The following ADCY5 variants were observed in gnomAD, a reference collection of about 807,000 sequenced individuals.
ADCY5 encodes adenylate cyclase 5, also known as adenylate cyclase type 5.
ADCY5 carries 30 observed loss-of-function variants against 119.7 expected under a neutral mutation model. The ratio of observed to expected loss-of-function variants is 0.25; its 90% CI spans 0.19 to 0.34. The LOEUF (loss-of-function observed/expected upper bound fraction) is 0.34. Ranked by LOEUF, ADCY5 falls within the 10% of genes least tolerant of loss-of-function variation. The probability of loss-of-function intolerance (pLI) is 1.00; values close to 1 mark genes in which losing one functional copy is unlikely to be tolerated. For synonymous variants in ADCY5, 753 were observed against 762.2 expected (o/e 0.99, Z 0.20); for missense variants, 1,324 against 1,775.2 (o/e 0.75, Z 4.57).
Position 123,286,930 on chromosome 3 carries a change from G to T in ADCY5, c.3533-121C>A. ...ACCTGAGACACCCGTGGGCTTCCAG[G>T]CCCAAGGCTGTGCTAAACCCTGCAG... On this transcript the variant is annotated intron_variant, in intron 19 of 20. Coordinates refer to ENST00000462833, the MANE Select transcript of ADCY5 (RefSeq NM_183357.3). The surrounding 1 kb of genome is among the most constrained non-coding windows in gnomAD (Gnocchi z 4.2). 1 of 1,383,256 alleles carries T rather than the reference G, an allele frequency of 7.2e-7. No individual in the cohort carries two copies. Among genetic ancestry groups the T allele is most frequent in the Non-Finnish European group, 9.6e-7 (1 of 1,046,602 alleles). 85.7% of individuals were successfully genotyped at this position (1,383,256 alleles called of 1,614,324 possible).
intron 19 of ADCY5, among the ~76,000 whole-genome samples, chr3:123,288,387 T>G (rs1246716211): frequency 2.0e-5 from 3 of 152,146 alleles, no homozygotes; most frequent in African/African-American, 7.2e-5. Context: ...ACCCAGGGAG[T>G]TGATAATGCA....
Position 123,290,198 on chromosome 3 carries a change from G to A in ADCY5, c.3328-244C>T, listed in dbSNP as rs9878646. The stretch of plus-strand genomic sequence containing the variant: ...GGGCTACCTGCCCACCCTCACGCCA[G>A]GAGCCCTGAAGACAAGGTCACTAGT... On this transcript the variant is annotated intron_variant, in intron 18 of 20. Transcript: ENST00000462833. 0.98 allele frequency among the ~76,000 whole-genome samples: 149,777 copies of A among 152,232 alleles called. 73,728 individuals are homozygous for A. Among genetic ancestry groups the A allele is most frequent in the East Asian group, 1 (5,148 of 5,148 alleles).
intron 1 of ADCY5, among the ~76,000 whole-genome samples, chr3:123,371,151 G>C (rs537147374): frequency 6.6e-6 from 1 of 151,924 alleles, no homozygotes; most frequent in Non-Finnish European, 1.5e-5. Flanking sequence ...TCAAGAAGAC[G>C]AAGCATGCTG....
At chr3:123,319,211 G>A (rs1228162988) in intron 10 of ADCY5, among the ~76,000 whole-genome samples, 4 of 151,906 alleles carry the variant, frequency 2.6e-5, no homozygotes, top group Non-Finnish European at 5.9e-5. Context: ...AAAATTAGCT[G>A]GGAGTGGTGG....
intron 1 of ADCY5, among the ~76,000 whole-genome samples, chr3:123,381,642 G>C (rs1214114371): frequency 1.3e-5 from 2 of 152,146 alleles, no homozygotes; most frequent in African/African-American, 4.8e-5. Context: ...TTTGTACAAG[G>C]GGTCCCATAT....
chr3:123,332,582 G>A lies in ADCY5; in HGVS notation c.1500C>T (p.Arg500=), dbSNP rs141466714. 2.0e-4 allele frequency: 315 copies of A among 1,613,448 alleles called. No individual in the cohort carries two copies. In the African/African-American group the frequency reaches 3.6e-3, roughly 18 times the overall value. Residue 500 remains arginine, a synonymous_variant, in exon 4 of 21, where the codon CGC becomes CGT. Transcript: ENST00000462833. ...LVMTLNELFA[R]FDKLAAENHC... is the part of the protein sequence containing the mutation. ...GACTCACTGCGGCCAGCTTGTCAAA[G>A]CGGGCGAAGAGCTCGTTGAGGGTCA... is the stretch of plus-strand genomic sequence containing the variant.
intron 1 of ADCY5, among the ~76,000 whole-genome samples, chr3:123,382,734 G>C (rs1002677393): frequency 3.3e-5 from 5 of 152,164 alleles, no homozygotes; most frequent in Non-Finnish European, 7.3e-5. Context: ...AAGTAGATTA[G>C]AGATGACCAA....
At chr3:123,386,516 G>A (rs973241100) in intron 1 of ADCY5, among the ~76,000 whole-genome samples, 3 of 152,156 alleles carry the variant, frequency 2.0e-5, no homozygotes, top group Non-Finnish European at 2.9e-5. Flanking sequence ...GCATAGTCTC[G>A]TTATGCCTAT....
Position 123,448,849 on chromosome 3 carries a change from T to G in ADCY5, c.-304A>C. 1 of 294,846 alleles carries G rather than the reference T, an allele frequency of 3.4e-6. No individual in the cohort carries two copies. The highest frequency in any genetic ancestry group is 6.3e-6 in the Non-Finnish European group (1 of 159,772). The allele number at this position is 294,846 out of a possible 1,614,324, so 18.3% of individuals were successfully genotyped here. A position where few individuals can be genotyped will look rare whatever the true frequency, so the allele number is the denominator to read the frequency against. On this transcript the variant is annotated 5_prime_UTR_variant, in exon 1 of 21. Coordinates refer to ENST00000462833, the MANE Select transcript of ADCY5 (RefSeq NM_183357.3). ...CTGCTGCGCCGCACGCGGAGAGACG[T>G]CCGGGATCCTGGCTCGCGTCGAGCT...
At chr3:123,385,315 G>A (rs62262388) in intron 1 of ADCY5, among the ~76,000 whole-genome samples, 5 of 115,596 alleles carry the variant, frequency 4.3e-5, no homozygotes, top group South Asian at 5.8e-4. Context: ...ACACACGCAC[G>A]CACGACCAGT....
In ADCY5 at chr3:123,427,603, G is replaced by C. The variant is rs185848636; in HGVS notation, c.1134+19809C>G. ...TCTCCTAGGACCCTCCACTGGACTT[G>C]GGAGGTGGTGATGTATAAGAGGCCA... On this transcript the variant is annotated intron_variant, in intron 1 of 20. Coordinates refer to ENST00000462833, the MANE Select transcript of ADCY5 (RefSeq NM_183357.3). Among the ~76,000 whole-genome samples, 15 of 152,300 alleles carry C rather than the reference G, an allele frequency of 9.8e-5. No individual in the cohort carries two copies. The East Asian group carries it at 2.7e-3, about 27-fold the overall frequency.
intron 1 of ADCY5, among the ~76,000 whole-genome samples, chr3:123,415,713 T>A (rs1400585325): frequency 6.6e-6 from 1 of 152,152 alleles, no homozygotes; most frequent in Non-Finnish European, 1.5e-5. Flanking sequence ...ACATTGTTTT[T>A]CTTTTTAAGT....
rs181353052 is a variant in ADCY5 at position 123,293,683 on chromosome 3, G to T, written c.3064-2307C>A. Among the ~76,000 whole-genome samples the T allele has an allele frequency of 1.6e-3, 249 of 152,294 alleles. 2 individuals are homozygous for T. Among genetic ancestry groups the T allele is most frequent in the African/African-American group, 5.4e-3 (225 of 41,554 alleles). ...AGATGACATTGCAAGCACGGAACAG[G>T]GAAGGCTGGGAAGAAGCCCGAGGTA... On this transcript the variant is annotated intron_variant, in intron 17 of 20. Transcript: ENST00000462833.
chr3:123,438,046 C>T (rs1282519302), intron 1 of ADCY5, among the ~76,000 whole-genome samples: 1 of 152,084 alleles, frequency 6.6e-6, no homozygotes, highest in African/African-American at 2.4e-5. Context: ...GGAGAGCCAC[C>T]AAACAAATGC....
chr3:123,315,598 CAG>C (rs1275213515), intron 11 of ADCY5, among the ~76,000 whole-genome samples: 1 of 151,866 alleles, frequency 6.6e-6, no homozygotes, highest in Non-Finnish European at 1.5e-5. Context: ...TTTTTTGAGA[CAG>C]AGTCTCGCTT....
chr3:123,383,429 G>A (rs116787854), intron 1 of ADCY5, among the ~76,000 whole-genome samples: 4,258 of 152,304 alleles, frequency 0.028, 202 homozygotes, highest in African/African-American at 0.094. Flanking sequence ...ATGGCTTTAT[G>A]TGGCAACTGT....
At chr3:123,307,679 A>G (rs1940273463) in intron 12 of ADCY5, among the ~76,000 whole-genome samples, 1 of 151,886 alleles carries the variant, frequency 6.6e-6, no homozygotes, top group African/African-American at 2.4e-5. Context: ...TATTTGCCCT[A>G]TGTTGTTTAA....
At chr3:123,407,531 C>T (rs188410018) in intron 1 of ADCY5, among the ~76,000 whole-genome samples, 23 of 147,668 alleles carry the variant, frequency 1.6e-4, no homozygotes, top group Admixed American at 1.2e-3. Flanking sequence ...CAGGAGGTAT[C>T]GCTTGAGCTC....
rs188088543 is a variant in ADCY5 at position 123,395,456 on chromosome 3, G to A, written c.1135-42875C>T. 1.7e-3 allele frequency among the ~76,000 whole-genome samples: 255 copies of A among 152,292 alleles called. 2 individuals are homozygous for A. Among genetic ancestry groups the A allele is most frequent in the Non-Finnish European group, 2.8e-3 (189 of 68,020 alleles). ...CTCCTTTCCATACTGAGTGGATGGC[G>A]CTGCCTGTACACCGCCTCCTTGGCT... On this transcript the variant is annotated intron_variant, in intron 1 of 20. Transcript: ENST00000462833.
Sources: gnomAD v4.1 joint callset for allele counts (sites outside exome capture counted in the v4.1 genomes callset) on GRCh38, gnomAD v4.1.1 for gene constraint, Gnocchi (gnomAD v3.1) non-coding constraint, MANE v1.5 for transcripts, NCBI Gene and HGNC (gene_info 2026-07-23, HGNC 2026-07-21) for gene names.